BCAR3: variants seen among roughly 807,000 people sequenced by gnomAD.
BCAR3 encodes the protein breast cancer anti-estrogen resistance protein 3.
In BCAR3, 37 loss-of-function variants were observed where a neutral mutation model predicts 80.1. The ratio of observed to expected loss-of-function variants is 0.46; its 90% CI spans 0.36 to 0.61. The LOEUF is 0.61. BCAR3 is among the 20% of genes least tolerant of loss of function. The pLI is 0.00. For synonymous variants in BCAR3, 389 were observed against 418.9 expected (o/e 0.93, Z 0.87); for missense variants, 978 against 1,068.2 (o/e 0.92, Z 1.18).
rs942108950 is a variant in BCAR3, at chr1:93,604,816, G to A, written c.358-12423C>T. ...CTTGACAGAATGTAGCACATACAAC[G>A]CCAACAAATGTGGCTTCTTTTCTTC... On this transcript the variant is annotated intron_variant, in intron 3 of 11. Transcript: ENST00000260502. 7.9e-5 allele frequency among the ~76,000 whole-genome samples: 12 copies of A among 152,256 alleles called. No homozygotes were observed. The South Asian group carries it at 2.1e-3, about 26-fold the overall frequency.
At chr1:93,737,088 G>A (rs937534004) in intron 2 of BCAR3, among the ~76,000 whole-genome samples, 6 of 152,198 alleles carry the variant, frequency 3.9e-5, no homozygotes, top group African/African-American at 1.4e-4. Flanking sequence ...TTAGATATGT[G>A]ACCATTTTTA....
intron 3 of BCAR3, among the ~76,000 whole-genome samples, chr1:93,702,331 A>C (rs1174618279): frequency 6.6e-6 from 1 of 152,152 alleles, no homozygotes; most frequent in African/African-American, 2.4e-5. Flanking sequence ...TTTGACAAGA[A>C]ATCCAAGCAC....
In BCAR3 at chr1:93,567,278, C is replaced by A; in HGVS notation, c.2299+1G>T. The A allele has an allele frequency of 6.2e-7, 1 of 1,613,818 alleles. No individual in the cohort carries two copies. The highest frequency in any genetic ancestry group is 8.5e-7 in the Non-Finnish European group (1 of 1,180,006). On this transcript the variant is annotated splice_donor_variant, in intron 11 of 11. Transcript: ENST00000260502. LOFTEE classifies it high-confidence loss of function. The stretch of plus-strand genomic sequence containing the variant: ...AACAGCTTACAAAACCCATCTCTTA[C>A]CTGCCAGGATCCTCTCAGCATTCAT...
At chr1:93,697,401 C>T (rs550823655) in intron 3 of BCAR3, among the ~76,000 whole-genome samples, 11 of 152,324 alleles carry the variant, frequency 7.2e-5, no homozygotes, top group South Asian at 6.2e-4. Context: ...GCACCCAGGA[C>T]GCTGTTTATA....
intron 2 of BCAR3, among the ~76,000 whole-genome samples, chr1:93,732,646 G>C (rs2100685722): frequency 6.6e-6 from 1 of 152,136 alleles, no homozygotes; most frequent in South Asian, 2.1e-4. Flanking sequence ...AAAAGAAAAA[G>C]AAAAGAAAAG....
intron 2 of BCAR3, among the ~76,000 whole-genome samples, chr1:93,833,996 A>C (rs951192512): frequency 6.6e-6 from 1 of 152,144 alleles, no homozygotes; most frequent in African/African-American, 2.4e-5. Context: ...AGAAATTATA[A>C]AGCTATTAAT....
Position 93,755,956 on chromosome 1 carries a change from A to G in BCAR3, c.-62-49814T>C, listed in dbSNP as rs544762928. On this transcript the variant is annotated intron_variant, in intron 2 of 13. Transcript: ENST00000370244. ...CAAGCCAAACAGAGTGGAAATTCCC[A>G]CAGCAGGAGCCAGCTTGCTACTGAA... 2.6e-5 allele frequency among the ~76,000 whole-genome samples: 4 copies of G among 152,298 alleles called. No individual in the cohort carries two copies. The East Asian group carries it at 7.7e-4, about 29-fold the overall frequency.
At chr1:93,842,972 G>A (rs961722820) in intron 2 of BCAR3, among the ~76,000 whole-genome samples, 7 of 152,206 alleles carry the variant, frequency 4.6e-5, no homozygotes, top group Non-Finnish European at 1.5e-5. Flanking sequence ...GGATGAAAAA[G>A]CCCTTCATTT....
chr1:93,622,342 G>A (rs1207392088), intron 3 of BCAR3, among the ~76,000 whole-genome samples: 1 of 152,202 alleles, frequency 6.6e-6, no homozygotes, highest in Non-Finnish European at 1.5e-5. Flanking sequence ...GAATCAGAAT[G>A]GCTGGCTCTA....
At chr1:93,790,634 A>ATTCTTTTTTTTTTT (rs1234204229) in intron 2 of BCAR3, among the ~76,000 whole-genome samples, 1 of 107,426 alleles carries the variant, frequency 9.3e-6, no homozygotes, top group African/African-American at 4.1e-5. Context: ...TTTTGTATTC[A>ATTCTTTTTTTTTTT]TTTTTTTTTT....
intron 2 of BCAR3, among the ~76,000 whole-genome samples, chr1:93,800,797 G>C (rs1424693483): frequency 6.6e-6 from 1 of 152,100 alleles, no homozygotes. Flanking sequence ...CCCATAAGAT[G>C]TATCGGTGTA....
At chr1:93,570,678 C>T (rs897597659) in intron 9 of BCAR3, among the ~76,000 whole-genome samples, 5 of 152,192 alleles carry the variant, frequency 3.3e-5, no homozygotes, top group African/African-American at 1.2e-4. Context: ...ATAAACTATT[C>T]TAAGGATTCT....
At chr1:93,725,530 C>A (rs1255051248) in intron 2 of BCAR3, among the ~76,000 whole-genome samples, 1 of 152,114 alleles carries the variant, frequency 6.6e-6, no homozygotes, top group African/African-American at 2.4e-5. Flanking sequence ...TTTACATATT[C>A]TGGAAACAAA....
At chr1:93,649,199 A>G (rs1191563524) in intron 2 of BCAR3, among the ~76,000 whole-genome samples, 4 of 152,204 alleles carry the variant, frequency 2.6e-5, no homozygotes, top group Non-Finnish European at 5.9e-5. Context: ...GAAGTGTGTT[A>G]TGGTGGAGGG....
At chr1:93,672,117 T>G (rs1200357190) in intron 2 of BCAR3, among the ~76,000 whole-genome samples, 3 of 152,010 alleles carry the variant, frequency 2.0e-5, no homozygotes, top group Non-Finnish European at 4.4e-5. Flanking sequence ...AAACCAGGAG[T>G]GCTTGTTAAG....
At chr1:93,791,370 A>G (rs1250065959) in intron 2 of BCAR3, among the ~76,000 whole-genome samples, 1 of 29,558 alleles carries the variant, frequency 3.4e-5, no homozygotes, top group Non-Finnish European at 5.3e-5. Context: ...GATATCTCAT[A>G]GTGGTTTTGA....
At chr1:93,736,331 G>A (rs1267766413) in intron 2 of BCAR3, among the ~76,000 whole-genome samples, 1 of 152,176 alleles carries the variant, frequency 6.6e-6, no homozygotes, top group Admixed American at 6.5e-5. Flanking sequence ...GGGATTACAA[G>A]CGCGTGCCAC....
intron 3 of BCAR3, among the ~76,000 whole-genome samples, chr1:93,628,317 C>T (rs190090551): frequency 7.9e-4 from 121 of 152,322 alleles, no homozygotes; most frequent in African/African-American, 2.9e-3. Flanking sequence ...TCTGGACAAT[C>T]ACAGTAGCCT....
chr1:93,598,163 G>A (rs1362625052), intron 3 of BCAR3, among the ~76,000 whole-genome samples: 1 of 152,176 alleles, frequency 6.6e-6, no homozygotes, highest in Non-Finnish European at 1.5e-5. Context: ...GGAGCTAGGG[G>A]TCTCCTGCGT....
Sources: gnomAD v4.1 joint callset for allele counts (sites outside exome capture counted in the v4.1 genomes callset) on GRCh38, gnomAD v4.1.1 for gene constraint, MANE v1.5 for transcripts, NCBI Gene and HGNC (gene_info 2026-07-23, HGNC 2026-07-21) for gene names.